SEMA6D: variants seen among roughly 807,000 people sequenced by gnomAD.
SEMA6D encodes semaphorin-6D.
Under a neutral mutation model 106.6 loss-of-function variants are expected in SEMA6D, and 35 were observed. The observed-to-expected ratio is 0.33, with a 90% CI of 0.25 to 0.44. SEMA6D has a LOEUF of 0.44. Among genes scored for constraint, SEMA6D ranks in the 20% least tolerant of loss-of-function variants. The pLI is 1.00. For missense variants in SEMA6D, 1,185 were observed against 1,345.9 expected, an observed-to-expected ratio of 0.88 and a Z score of 1.87; for synonymous variants, 499 against 487.7, an observed-to-expected ratio of 1.02 and a Z score of -0.31.
At chr15:47,740,791 T>C (rs1308165139) in intron 1 of SEMA6D, among the ~76,000 whole-genome samples, 1 of 152,102 alleles carries the variant, frequency 6.6e-6, no homozygotes, top group East Asian at 1.9e-4. Context: ...GCTGCACCAC[T>C]GCCTGGAGAC....
chr15:47,342,256 G>A (rs1240272211), intron 1 of SEMA6D, among the ~76,000 whole-genome samples: 2 of 152,042 alleles, frequency 1.3e-5, no homozygotes, highest in Non-Finnish European at 2.9e-5. Context: ...CTAAAAGTTC[G>A]TTGCCTGCAC....
chr15:47,278,606 T>C (rs1200458959), intron 1 of SEMA6D, among the ~76,000 whole-genome samples: 4 of 152,194 alleles, frequency 2.6e-5, no homozygotes, highest in Non-Finnish European at 5.9e-5. Flanking sequence ...GTGCAGAGGC[T>C]CTTTAGTTTA....
intron 4 of SEMA6D, among the ~76,000 whole-genome samples, chr15:47,669,686 C>T (rs1280140853): frequency 6.6e-6 from 1 of 152,214 alleles, no homozygotes; most frequent in Non-Finnish European, 1.5e-5. Flanking sequence ...ATCTCCTTCT[C>T]CTCCATACCT....
intron 4 of SEMA6D, among the ~76,000 whole-genome samples, chr15:47,686,450 G>A (rs1178121515): frequency 6.6e-6 from 1 of 152,174 alleles, no homozygotes; most frequent in Non-Finnish European, 1.5e-5. Context: ...TACATGGTAT[G>A]ACCTTCTGCA....
intron 4 of SEMA6D, among the ~76,000 whole-genome samples, chr15:47,710,538 A>C (rs908724665): frequency 3.9e-5 from 6 of 152,222 alleles, no homozygotes; most frequent in Non-Finnish European, 8.8e-5. Context: ...TTATAGCAAA[A>C]GAATTCATAA....
At chr15:47,698,857 C>G (rs1484121966) in intron 4 of SEMA6D, among the ~76,000 whole-genome samples, 1 of 152,120 alleles carries the variant, frequency 6.6e-6, no homozygotes, top group East Asian at 1.9e-4. Context: ...CTCCCATGAA[C>G]TAGAGACAAA....
intron 4 of SEMA6D, among the ~76,000 whole-genome samples, chr15:47,622,201 C>CAAAAAAAAA (rs199839582): frequency 3.2e-5 from 2 of 62,798 alleles, no homozygotes; most frequent in Non-Finnish European, 3.7e-5. Context: ...GAAACCCAGC[C>CAAAAAAAAA]AAAAAAAAAA....
intron 3 of SEMA6D, among the ~76,000 whole-genome samples, chr15:47,555,370 A>C (rs983574647): frequency 4.6e-5 from 7 of 152,168 alleles, no homozygotes; most frequent in African/African-American, 1.7e-4. Flanking sequence ...CATTCATGCC[A>C]TGAAAACTGA....
intron 1 of SEMA6D, among the ~76,000 whole-genome samples, chr15:47,358,355 T>C (rs1016212554): frequency 2.0e-5 from 3 of 151,444 alleles, no homozygotes; most frequent in African/African-American, 7.3e-5. Flanking sequence ...TGTTCTTCTT[T>C]TCACAGCAAC....
chr15:47,765,719 G>A, intron 13 of SEMA6D, 150 bp from the exon 14 acceptor site: 1 of 708,782 alleles, frequency 1.4e-6, no homozygotes, highest in Non-Finnish European at 2.0e-6. Flanking sequence ...AGTAGAAGAT[G>A]AATCACATAA....
At chr15:47,377,555 AAAAAC>A (rs1489234031) in intron 1 of SEMA6D, among the ~76,000 whole-genome samples, 1 of 152,202 alleles carries the variant, frequency 6.6e-6, no homozygotes, top group Admixed American at 6.5e-5. Flanking sequence ...TCATAAAATG[AAAAAC>A]AAAACAAAAA....
intron 3 of SEMA6D, among the ~76,000 whole-genome samples, chr15:47,499,584 CTT>C (rs1468547949): frequency 6.6e-6 from 1 of 152,048 alleles, no homozygotes; most frequent in African/African-American, 2.4e-5. Context: ...TCAGAACAGA[CTT>C]AAGGTAATTC....
At chr15:47,483,418 G>A (rs1205673141) in intron 3 of SEMA6D, among the ~76,000 whole-genome samples, 1 of 152,114 alleles carries the variant, frequency 6.6e-6, no homozygotes, top group African/African-American at 2.4e-5. Context: ...GCTCATTGGA[G>A]TCTCCATGTT....
intron 1 of SEMA6D, among the ~76,000 whole-genome samples, chr15:47,272,121 T>G (rs2034586298): frequency 2.0e-5 from 3 of 152,170 alleles, no homozygotes; most frequent in Non-Finnish European, 2.9e-5. Flanking sequence ...AGGTGTCTGA[T>G]GATGAGCTAG....
intron 1 of SEMA6D, among the ~76,000 whole-genome samples, chr15:47,324,946 G>A (rs560569497): frequency 3.0e-4 from 46 of 151,448 alleles, no homozygotes; most frequent in Non-Finnish European, 4.9e-4. Context: ...TCATTGTAAT[G>A]AGGTTCATTA....
At chr15:47,388,451 TCCAGCTCCATCCTGC>T (rs1028804760) in intron 1 of SEMA6D, among the ~76,000 whole-genome samples, 3 of 152,136 alleles carry the variant, frequency 2.0e-5, no homozygotes, top group Admixed American at 1.3e-4. Flanking sequence ...TCCTGTGCTT[TCCAGCTCCATCCTGC>T]CCAGCTCCAT....
At chr15:47,278,191 G>A (rs1463913441) in intron 1 of SEMA6D, among the ~76,000 whole-genome samples, 2 of 152,152 alleles carry the variant, frequency 1.3e-5, no homozygotes, top group Non-Finnish European at 2.9e-5. Flanking sequence ...TTGCCACACT[G>A]ACTTCCACAG....
chr15:47,288,209 C>G (rs2035453360), intron 1 of SEMA6D, among the ~76,000 whole-genome samples: 1 of 152,126 alleles, frequency 6.6e-6, no homozygotes, highest in South Asian at 2.1e-4. Context: ...TCATGTCTGT[C>G]CATTCCTCTC....
chr15:47,699,554 T>C (rs1432354738), intron 4 of SEMA6D, among the ~76,000 whole-genome samples: 1 of 152,222 alleles, frequency 6.6e-6, no homozygotes, highest in Non-Finnish European at 1.5e-5. Context: ...AAGCAAATAC[T>C]GAAAACATAA....
Sources: allele counts gnomAD v4.1 joint callset (sites outside exome capture counted in the v4.1 genomes callset), GRCh38; gene constraint gnomAD v4.1.1; transcripts MANE v1.5; gene names NCBI Gene and HGNC (gene_info 2026-07-23, HGNC 2026-07-21).